RPRD1B: variants seen among roughly 807,000 people sequenced by gnomAD.
RPRD1B encodes the protein regulation of nuclear pre-mRNA domain containing 1B, also known as regulation of nuclear pre-mRNA domain-containing protein 1B.
In RPRD1B, 11 loss-of-function variants were observed where a neutral mutation model predicts 41.5. The ratio of observed to expected loss-of-function variants is 0.27; its 90% CI spans 0.17 to 0.44. The LOEUF is 0.44. RPRD1B is among the 20% of genes least tolerant of loss of function. RPRD1B has a pLI of 1.00. For missense variants in RPRD1B, 248 were observed against 389.9 expected (o/e 0.64, Z 3.06); for synonymous variants, 158 against 155.6 (o/e 1.02, Z -0.12).
At chr20:38,071,012 A>G (rs1268824571) in intron 6 of RPRD1B, among the ~76,000 whole-genome samples, 2 of 152,170 alleles carry the variant, frequency 1.3e-5, no homozygotes, top group Non-Finnish European at 2.9e-5. Flanking sequence ...AATTACAGGC[A>G]TGCGCCTCCA....
intron 1 of RPRD1B, among the ~76,000 whole-genome samples, chr20:38,037,707 A>G (rs2074017560): frequency 6.6e-6 from 1 of 152,224 alleles, no homozygotes; most frequent in Non-Finnish European, 1.5e-5. Flanking sequence ...ATAAATCCCC[A>G]TTGTTAAGTT....
At chr20:38,051,663 GA>G (rs1298844874) in intron 3 of RPRD1B, among the ~76,000 whole-genome samples, 1 of 151,956 alleles carries the variant, frequency 6.6e-6, no homozygotes, top group Non-Finnish European at 1.5e-5. Flanking sequence ...ATATTGGTAG[GA>G]ATTTTGGTAG....
intron 3 of RPRD1B, among the ~76,000 whole-genome samples, chr20:38,054,219 T>G (rs2074217481): frequency 6.6e-6 from 1 of 152,098 alleles, no homozygotes; most frequent in African/African-American, 2.4e-5. Context: ...GTGAAAGTGT[T>G]CGTAATGGAA....
rs970179992 is a variant in RPRD1B, at chr20:38,087,412, C to T, written c.832-2314C>T. Among the ~76,000 whole-genome samples the T allele has an allele frequency of 4.6e-5, 7 of 152,068 alleles. No homozygotes were observed. The East Asian group carries it at 1.3e-3, about 29-fold the overall frequency. ...GAGTAAGGAGTCTTGGATTCTGATC[C>T]CAGCTCAGCTTCTAGAGACTTGGTG... On this transcript the variant is annotated intron_variant, in intron 6 of 6. Coordinates refer to ENST00000373433, the MANE Select transcript of RPRD1B (RefSeq NM_021215.4).
intron 5 of RPRD1B, among the ~76,000 whole-genome samples, chr20:38,064,602 T>G (rs1409127118): frequency 6.6e-6 from 1 of 152,246 alleles, no homozygotes; most frequent in Non-Finnish European, 1.5e-5. Context: ...TATCAGTTCT[T>G]TGTAAATACA....
chr20:38,089,103 G>C (rs2074589291), intron 6 of RPRD1B, among the ~76,000 whole-genome samples: 1 of 152,188 alleles, frequency 6.6e-6, no homozygotes, highest in Non-Finnish European at 1.5e-5. Context: ...CAAGGGAGTG[G>C]TTTCATGAAA....
intron 2 of RPRD1B, among the ~76,000 whole-genome samples, chr20:38,040,933 A>G (rs1221927807): frequency 6.6e-6 from 1 of 152,242 alleles, no homozygotes; most frequent in Non-Finnish European, 1.5e-5. Flanking sequence ...ATAGCAAGAA[A>G]TTAATTGCCA....
intron 6 of RPRD1B, among the ~76,000 whole-genome samples, chr20:38,087,197 T>C (rs960436332): frequency 1.3e-5 from 2 of 152,202 alleles, no homozygotes; most frequent in Non-Finnish European, 2.9e-5. Flanking sequence ...TGACCTCAGG[T>C]GATCTGCCTG....
At chr20:38,045,399 C>G (rs574001160) in intron 2 of RPRD1B, among the ~76,000 whole-genome samples, 15 of 152,172 alleles carry the variant, frequency 9.9e-5, no homozygotes, top group South Asian at 2.1e-4. Flanking sequence ...CCTTCAAAAC[C>G]TAATCAGTAG....
chr20:38,051,074 A>G (rs1026789948), intron 3 of RPRD1B, among the ~76,000 whole-genome samples: 2 of 152,158 alleles, frequency 1.3e-5, no homozygotes, highest in African/African-American at 2.4e-5. Flanking sequence ...AAATTTTTCT[A>G]TGGAACTTTG....
chr20:38,078,584 C>T (rs1248210362), intron 6 of RPRD1B, among the ~76,000 whole-genome samples: 1 of 152,084 alleles, frequency 6.6e-6, no homozygotes, highest in Non-Finnish European at 1.5e-5. Context: ...TGTATTGTCA[C>T]TCAGGCATGT....
Position 38,070,569 on chromosome 20 carries a change from T to G in RPRD1B, c.831+4313T>G, listed in dbSNP as rs574808002. 2.0e-4 allele frequency: 194 copies of G among 985,372 alleles called. 1 individual carries two copies. In the African/African-American group the frequency reaches 3.2e-3, roughly 16 times the overall value. 61.0% of individuals were successfully genotyped at this position (985,372 alleles called of 1,614,324 possible). On this transcript the variant is annotated intron_variant, in intron 6 of 6. Transcript: ENST00000373433. ...GCTCATAAGACATAGCGTGAGTGGGTTGGATAGGGTTCCTGTCTTGTCAGC... is the reference window on the plus strand; with the variant it reads ...GCTCATAAGACATAGCGTGAGTGGGGTGGATAGGGTTCCTGTCTTGTCAGC...
At chr20:38,060,647 A>AAG (rs939483641) in intron 5 of RPRD1B, among the ~76,000 whole-genome samples, 11 of 152,106 alleles carry the variant, frequency 7.2e-5, no homozygotes, top group Non-Finnish European at 2.9e-5. Context: ...AGCACAGGGA[A>AAG]AGACCTCAGG....
chr20:38,071,813 G>A (rs945324673), intron 6 of RPRD1B, among the ~76,000 whole-genome samples: 1 of 152,060 alleles, frequency 6.6e-6, no homozygotes, highest in South Asian at 2.1e-4. Context: ...TATGCTTGTC[G>A]GCTGTTTATC....
At chr20:38,048,065 C>A (rs1249408149) in intron 2 of RPRD1B, among the ~76,000 whole-genome samples, 2 of 152,170 alleles carry the variant, frequency 1.3e-5, no homozygotes, top group Non-Finnish European at 2.9e-5. Context: ...CAAGCTATCA[C>A]AACTGATAAG....
At chr20:38,034,168 C>G in intron 1 of RPRD1B, 70 bp downstream of exon 1, 1 of 1,484,390 alleles carries the variant, frequency 6.7e-7, no homozygotes. Context: ...ACCTAGGCCC[C>G]TCTAAGCCTC....
At chr20:38,079,007 T>G (rs2074489788) in intron 6 of RPRD1B, among the ~76,000 whole-genome samples, 1 of 152,214 alleles carries the variant, frequency 6.6e-6, no homozygotes, top group South Asian at 2.1e-4. Flanking sequence ...TCTTGACATA[T>G]TATAAATCAG....
At chr20:38,039,735 C>CTT (rs11316507) in intron 1 of RPRD1B, among the ~76,000 whole-genome samples, 7 of 136,668 alleles carry the variant, frequency 5.1e-5, no homozygotes, top group African/African-American at 1.6e-4. Flanking sequence ...CTAACTCAGT[C>CTT]TTTTTTTTTT....
chr20:38,088,890 G>T (rs140646573), intron 6 of RPRD1B, among the ~76,000 whole-genome samples: 17 of 152,290 alleles, frequency 1.1e-4, no homozygotes, highest in Non-Finnish European at 2.2e-4. Flanking sequence ...ATAGTCCAAG[G>T]AGCAGAGGAG....
Sources: allele counts gnomAD v4.1 joint callset (sites outside exome capture counted in the v4.1 genomes callset), GRCh38; gene constraint gnomAD v4.1.1; transcripts MANE v1.5; gene names NCBI Gene and HGNC (gene_info 2026-07-23, HGNC 2026-07-21).